Variants in HERC2 observed in about 807,000 individuals in gnomAD.
HERC2 encodes the protein E3 ubiquitin-protein ligase HERC2.
HERC2 carries 102 observed loss-of-function variants against 537.7 expected under a neutral mutation model. The observed-to-expected ratio is 0.19, with a 90% CI of 0.16 to 0.22. HERC2 has a LOEUF of 0.22. Ranked by LOEUF, HERC2 falls within the 10% of genes least tolerant of loss-of-function variation. The pLI, the probability that HERC2 is intolerant of heterozygous loss-of-function variation, is 1.00. For missense variants in HERC2, 4,236 were observed against 6,198.2 expected (o/e 0.68, Z 10.63); for synonymous variants, 2,224 against 2,466.2 (o/e 0.90, Z 2.91).
At chr15:28,288,002 G>A (rs1413697436) in intron 4 of HERC2, among the ~76,000 whole-genome samples, 1 of 152,092 alleles carries the variant, frequency 6.6e-6, no homozygotes, top group East Asian at 1.9e-4. Context: ...GGGATTAGGC[G>A]TGAGCCACTG....
intron 2 of HERC2, among the ~76,000 whole-genome samples, chr15:28,312,193 C>A (rs1235865164): frequency 1.9e-4 from 29 of 152,036 alleles, no homozygotes; most frequent in African/African-American, 7.0e-4. Flanking sequence ...GCAAGCCTCA[C>A]TGGAGGAGGT....
intron 55 of HERC2, among the ~76,000 whole-genome samples, chr15:28,188,827 C>T (rs1896565893): frequency 6.6e-6 from 1 of 152,148 alleles, no homozygotes; most frequent in Non-Finnish European, 1.5e-5. Context: ...TGCCTCATGC[C>T]TGTAAATGCC....
At chr15:28,261,476 T>C (rs1480038250) in intron 15 of HERC2, among the ~76,000 whole-genome samples, 2 of 152,106 alleles carry the variant, frequency 1.3e-5, no homozygotes, top group East Asian at 1.9e-4. Context: ...ACACAAAGGG[T>C]GTTTCGCAGA....
intron 2 of HERC2, among the ~76,000 whole-genome samples, chr15:28,317,274 A>T (rs2077114175): frequency 6.6e-6 from 1 of 152,272 alleles, no homozygotes; most frequent in Middle Eastern, 3.4e-3. Flanking sequence ...TTTTTAGTAG[A>T]GACAGGGTTT....
At chr15:28,171,795 C>T (rs1239128877) in intron 65 of HERC2, among the ~76,000 whole-genome samples, 2 of 152,090 alleles carry the variant, frequency 1.3e-5, no homozygotes, top group African/African-American at 4.8e-5. Context: ...ATACAATAGA[C>T]CGGGTGCGGT....
At chr15:28,128,933 A>G (rs1889801480) in intron 83 of HERC2, among the ~76,000 whole-genome samples, 1 of 152,166 alleles carries the variant, frequency 6.6e-6, no homozygotes, top group Non-Finnish European at 1.5e-5. Context: ...AACAGAGGGT[A>G]GAGAGCTCTC....
chr15:28,240,262 C>CA (rs964943739), intron 23 of HERC2, among the ~76,000 whole-genome samples: 1 of 152,062 alleles, frequency 6.6e-6, no homozygotes, highest in South Asian at 2.1e-4. Context: ...ACTAAAAATA[C>CA]AAAAAATTAG....
At chr15:28,278,806 C>G (rs193197860) in intron 5 of HERC2, among the ~76,000 whole-genome samples, 23 of 152,290 alleles carry the variant, frequency 1.5e-4, no homozygotes, top group Non-Finnish European at 5.9e-5. Context: ...GCCAGCACTC[C>G]TAACACAAAA....
At chr15:28,306,725 T>A (rs1170934399) in intron 2 of HERC2, among the ~76,000 whole-genome samples, 3 of 152,244 alleles carry the variant, frequency 2.0e-5, no homozygotes, top group Admixed American at 6.5e-5. Flanking sequence ...TGGAAGACTT[T>A]TTATTATTAC....
chr15:28,276,192 CAAAAAA>C (rs11359639), intron 5 of HERC2, among the ~76,000 whole-genome samples: 9 of 70,106 alleles, frequency 1.3e-4, no homozygotes, highest in African/African-American at 4.6e-4. Context: ...TCTCAAAAAA[CAAAAAA>C]AAAAAAAAAA....
chr15:28,167,777 G>A lies in HERC2; in HGVS notation c.10464C>T (p.Ala3488=), dbSNP rs1318975685. ...TAAAAGGCCGAGCGGAGGCTGAGGG[G>A]GCCGACGGAGTCACTGCAGAGGGGG... The part of the protein sequence containing the change: ...AVTPSAVTPS[A]PSASARPFIP... The change falls in exon 68 of 93, where the codon GCC becomes GCT. Residue 3488 remains alanine, a synonymous_variant. Transcript: ENST00000261609. 3 of 1,614,182 alleles carry A rather than the reference G, an allele frequency of 1.9e-6. No homozygotes were observed. The highest frequency in any genetic ancestry group is 2.2e-5 in the South Asian group (2 of 91,082).
At chr15:28,266,852 G>A (rs540993571) in intron 12 of HERC2, among the ~76,000 whole-genome samples, 25 of 152,228 alleles carry the variant, frequency 1.6e-4, no homozygotes, top group African/African-American at 4.3e-4. Flanking sequence ...ACCCAACTGC[G>A]TGCACTTGTC....
rs906345100 is a variant in HERC2, at chr15:28,144,881, A to C, written c.11009-77T>G. On this transcript the variant is annotated intron_variant, in intron 71 of 92. Transcript: ENST00000261609. ...ACACAAACCTTCTTAGACGCAAAGC[A>C]GAATGATTTCCGTCACGTGTGAAGA... 1.9e-6 allele frequency: 3 copies of C among 1,589,548 alleles called. No individual in the cohort carries two copies. The African/African-American group carries it at 4.0e-5, about 21-fold the overall frequency.
chr15:28,313,370 G>T (rs2922710), intron 2 of HERC2, among the ~76,000 whole-genome samples: 1 of 149,834 alleles, frequency 6.7e-6, no homozygotes, highest in Middle Eastern at 3.2e-3. Context: ...TAGTAGAGAC[G>T]GGGTTTCACC....
intron 30 of HERC2, among the ~76,000 whole-genome samples, chr15:28,231,750 G>A (rs1901874272): frequency 1.3e-5 from 2 of 151,662 alleles, no homozygotes; most frequent in Non-Finnish European, 2.9e-5. Context: ...TCCTTTTAGT[G>A]AATCATCAAG....
intron 43 of HERC2, among the ~76,000 whole-genome samples, chr15:28,211,970 C>A (rs1278559482): frequency 6.6e-6 from 1 of 152,172 alleles, no homozygotes; most frequent in African/African-American, 2.4e-5. Flanking sequence ...CTCAGGAGAG[C>A]CGCATTCTAC....
intron 67 of HERC2, 109 bp downstream of exon 67, chr15:28,168,298 G>T: frequency 9.4e-7 from 1 of 1,065,814 alleles, no homozygotes; most frequent in Non-Finnish European, 1.4e-6. Context: ...AAAAATCTAA[G>T]CGGGAGGCAC....
intron 20 of HERC2, among the ~76,000 whole-genome samples, chr15:28,250,790 A>G (rs2075050361): frequency 6.6e-6 from 1 of 152,166 alleles, no homozygotes; most frequent in Admixed American, 6.6e-5. Flanking sequence ...TTAAGGTGAG[A>G]AAACAGTGTC....
chr15:28,306,808 G>GT (rs2076801541), intron 2 of HERC2, among the ~76,000 whole-genome samples: 1 of 152,174 alleles, frequency 6.6e-6, no homozygotes, highest in Non-Finnish European at 1.5e-5. Flanking sequence ...TTGGAAGGCT[G>GT]TATGTGCCTG....
Sources: gnomAD v4.1 joint callset for allele counts (sites outside exome capture counted in the v4.1 genomes callset) on GRCh38, gnomAD v4.1.1 for gene constraint, MANE v1.5 for transcripts, NCBI Gene and HGNC (gene_info 2026-07-23, HGNC 2026-07-21) for gene names.